DGUOK: variants seen among roughly 807,000 people sequenced by gnomAD.
The protein encoded by DGUOK is deoxyguanosine kinase, mitochondrial.
A neutral mutation model predicts 36.6 loss-of-function variants in DGUOK; 30 were observed. The observed-to-expected ratio is 0.82, with a 90% CI of 0.61 to 1.11. The LOEUF (loss-of-function observed/expected upper bound fraction) is 1.11. Among genes scored for constraint, DGUOK ranks in the 50% most tolerant of loss-of-function variants. DGUOK has a pLI of 0.00. For missense variants in DGUOK, 361 were observed against 336.4 expected (o/e 1.07, Z -0.57); for synonymous variants, 145 against 126.3 (o/e 1.15, Z -0.99).
At chr2:73,953,064 C>G (rs1008865143) in intron 4 of DGUOK, among the ~76,000 whole-genome samples, 1 of 152,056 alleles carries the variant, frequency 6.6e-6, no homozygotes, top group Non-Finnish European at 1.5e-5. Context: ...ACATCCCACT[C>G]TCATGGCAAC....
chr2:73,929,093 C>T (rs898910094), intron 1 of DGUOK, among the ~76,000 whole-genome samples: 4 of 152,064 alleles, frequency 2.6e-5, no homozygotes, highest in African/African-American at 7.2e-5. Flanking sequence ...TTATTTCCTC[C>T]TCTCCTTCTT....
intron 2 of DGUOK, among the ~76,000 whole-genome samples, chr2:73,944,541 A>G (rs1417081718): frequency 2.6e-5 from 4 of 152,172 alleles, no homozygotes; most frequent in African/African-American, 9.7e-5. Flanking sequence ...GTTTCTGACA[A>G]CAGCCCTGTC....
intron 6 of DGUOK, 152 bp from the exon 7 acceptor site, chr2:73,958,558 G>A (rs375622951): frequency 2.8e-6 from 2 of 705,504 alleles, no homozygotes; most frequent in African/African-American, 1.8e-5. Context: ...GATGCTATAT[G>A]ACCCTGGGCT....
At chr2:73,950,114 G>A (rs946120088) in intron 3 of DGUOK, among the ~76,000 whole-genome samples, 5 of 152,208 alleles carry the variant, frequency 3.3e-5, no homozygotes, top group African/African-American at 1.2e-4. Flanking sequence ...TCAGTAGCCT[G>A]GAGACTTAGA....
chr2:73,944,291 G>A (rs1682126058), intron 2 of DGUOK, among the ~76,000 whole-genome samples: 1 of 152,136 alleles, frequency 6.6e-6, no homozygotes, highest in South Asian at 2.1e-4. Context: ...AAGTGCTTGG[G>A]TTATAGGTGT....
rs564325241 is a variant in DGUOK, at chr2:73,945,892, G to A, written c.256-827G>A. On this transcript the variant is annotated intron_variant, in intron 2 of 6. Coordinates refer to ENST00000264093, the MANE Select transcript of DGUOK (RefSeq NM_080916.3). The stretch of plus-strand genomic sequence containing the variant: ...ACAAAAATTAGCTTGTCGTGGTGGC[G>A]GGTGCCTGTGATCCCAGCCACTCAG... Among the ~76,000 whole-genome samples, 15 of 152,156 alleles carry A rather than the reference G, an allele frequency of 9.9e-5. 1 individual carries two copies. In the East Asian group the frequency reaches 2.5e-3, roughly 25 times the overall value.
intron 1 of DGUOK, among the ~76,000 whole-genome samples, chr2:73,931,390 T>G (rs1681025278): frequency 6.6e-6 from 1 of 152,196 alleles, no homozygotes. Flanking sequence ...TTCTCCTGTC[T>G]CAGCCTCCCA....
intron 5 of DGUOK, among the ~76,000 whole-genome samples, chr2:73,957,633 C>T (rs1683219098): frequency 1.3e-5 from 2 of 152,226 alleles, no homozygotes; most frequent in Non-Finnish European, 2.9e-5. Flanking sequence ...GAGATCGCAC[C>T]ACTGTACTCC....
chr2:73,953,263 A>G (rs1451254942), intron 4 of DGUOK, among the ~76,000 whole-genome samples: 1 of 81,522 alleles, frequency 1.2e-5, no homozygotes, highest in African/African-American at 4.0e-5. Context: ...GCAAATGGTG[A>G]TGATGATGAT....
intron 1 of DGUOK, among the ~76,000 whole-genome samples, chr2:73,933,828 G>A (rs1250570952): frequency 6.6e-6 from 1 of 152,152 alleles, no homozygotes; most frequent in Non-Finnish European, 1.5e-5. Flanking sequence ...TTACCTCTGA[G>A]TAGCTACTCC....
chr2:73,945,540 C>T (rs1430036487), intron 2 of DGUOK, among the ~76,000 whole-genome samples: 2 of 152,188 alleles, frequency 1.3e-5, no homozygotes, highest in East Asian at 1.9e-4. Context: ...GTACCTACCT[C>T]ATGAAGCTGT....
intron 4 of DGUOK, among the ~76,000 whole-genome samples, chr2:73,952,727 CTCAT>C (rs1682784634): frequency 6.6e-6 from 1 of 152,168 alleles, no homozygotes; most frequent in African/African-American, 2.4e-5. Flanking sequence ...AGTGGGCTGA[CTCAT>C]TCCTGGGAGT....
intron 1 of DGUOK, among the ~76,000 whole-genome samples, chr2:73,929,155 G>A (rs1558640045): frequency 6.6e-6 from 1 of 152,130 alleles, no homozygotes; most frequent in Non-Finnish European, 1.5e-5. Context: ...CCTGTTGCCA[G>A]GCTAGAATAC....
chr2:73,931,550 G>A (rs73950321), intron 1 of DGUOK, among the ~76,000 whole-genome samples: 9,408 of 152,236 alleles, frequency 0.062, 455 homozygotes, highest in African/African-American at 0.13. Flanking sequence ...GCCATATGTC[G>A]AAGAGCCTTG....
At position 73,938,966 on chromosome 2, in the gene DGUOK, G is replaced by C; in HGVS notation, c.199G>C (p.Val67Leu). The C allele has an allele frequency of 3.7e-6, 6 of 1,614,072 alleles. No individual in the cohort carries two copies. The highest frequency in any genetic ancestry group is 5.1e-6 in the Non-Finnish European group (6 of 1,179,962). ...LLTKTYPEWH[V>L]ATEPVATWQN... ...CACGAAAACTTACCCAGAATGGCACGTAGCTACAGAACCTGTAGCAACATG... is the reference window on the plus strand; with the variant it reads ...CACGAAAACTTACCCAGAATGGCACCTAGCTACAGAACCTGTAGCAACATG... Residue 67 changes from valine (V) to leucine (L), a missense_variant, in exon 2 of 7, where the codon GTA (valine) becomes CTA (leucine). Transcript: ENST00000264093.
chr2:73,958,591 T>C, intron 6 of DGUOK, 119 bp from the exon 7 acceptor site: 1 of 848,172 alleles, frequency 1.2e-6, no homozygotes, highest in African/African-American at 1.7e-5. Flanking sequence ...TCTCCATGCC[T>C]ATTATTTTCC....
chr2:73,949,273 A>C (rs1361860434), intron 3 of DGUOK, among the ~76,000 whole-genome samples: 1 of 152,134 alleles, frequency 6.6e-6, no homozygotes, highest in Admixed American at 6.5e-5. Context: ...TCTTAATTTC[A>C]TCTTCTAGTT....
chr2:73,938,926 G>A lies in DGUOK; in HGVS notation c.159G>A (p.Thr53=), dbSNP rs62641680. 38,291 of 1,613,022 alleles carry A rather than the reference G, an allele frequency of 0.024. 574 individuals carry two copies. The highest frequency in any genetic ancestry group is 0.029 in the Non-Finnish European group (33,626 of 1,179,030). The change falls in exon 2 of 7, where the codon ACG becomes ACA. Residue 53 remains threonine (T), a synonymous_variant. Transcript: ENST00000264093. ...GCATTGCAGCTGTGGGAAAGTCCAC[G>A]TTTGTGAAGTTACTCACGAAAACTT... The part of the protein sequence containing the change: ...IEGNIAVGKS[T]FVKLLTKTYP...
chr2:73,955,181 A>G (rs2104988336), intron 4 of DGUOK, among the ~76,000 whole-genome samples: 1 of 152,366 alleles, frequency 6.6e-6, no homozygotes, highest in African/African-American at 2.4e-5. Flanking sequence ...GCAAGCAGTG[A>G]ATGAATAATT....
Sources: gnomAD v4.1 joint callset for allele counts (sites outside exome capture counted in the v4.1 genomes callset) on GRCh38, gnomAD v4.1.1 for gene constraint, MANE v1.5 for transcripts, NCBI Gene and HGNC (gene_info 2026-07-23, HGNC 2026-07-21) for gene names.